The following IL34 variants were observed in gnomAD, a reference collection of about 807,000 sequenced individuals.
IL34 encodes interleukin 34.
In IL34, 17 loss-of-function variants were observed where a neutral mutation model predicts 25.3. The ratio of observed to expected loss-of-function variants is 0.67; its 90% confidence interval spans 0.46 to 1.01. The LOEUF (loss-of-function observed/expected upper bound fraction) is 1.01. Ranked by LOEUF, IL34 falls within the 50% of genes least tolerant of loss-of-function variation. IL34 has a pLI of 0.00. For missense variants in IL34, 368 were observed against 312.9 expected (o/e 1.18, Z -1.33); for synonymous variants, 174 against 140.9 (o/e 1.23, Z -1.66).
At chr16:70,584,421 T>C (rs374856599) in intron 1 of IL34, among the ~76,000 whole-genome samples, 2 of 152,178 alleles carry the variant, frequency 1.3e-5, no homozygotes, top group East Asian at 3.9e-4. Flanking sequence ...GACTTGCCTA[T>C]AGCTAGAAAG....
chr16:70,642,206 C>G (rs2051800227), upstream of IL34, among the ~76,000 whole-genome samples: 1 of 151,654 alleles, frequency 6.6e-6, no homozygotes, highest in Admixed American at 6.6e-5. Flanking sequence ...TATGTACTCA[C>G]ATGACCAGTT....
intron 1 of IL34, among the ~76,000 whole-genome samples, chr16:70,603,712 A>AC: frequency 6.6e-6 from 1 of 152,218 alleles, no homozygotes; most frequent in South Asian, 2.1e-4. Flanking sequence ...AACAACTGGG[A>AC]GTACACACAG....
At chr16:70,620,475 G>A (rs930614876) in intron 1 of IL34, among the ~76,000 whole-genome samples, 12 of 152,052 alleles carry the variant, frequency 7.9e-5, no homozygotes, top group Non-Finnish European at 1.5e-4. Flanking sequence ...AGGAGCGGAG[G>A]CTGAGGAAGA....
Position 70,640,549 on chromosome 16 carries a change from G to A in IL34, c.-400-5999G>A, listed in dbSNP as rs147383766. ...TGAGGCAGGAGAATCTCTTGAACCC[G>A]GGAGGTGGAGGTTGTAGTGAGCCGA... On this transcript the variant is annotated intron_variant, in intron 1 of 6. Coordinates refer to the IL34 transcript ENST00000429149. Among the ~76,000 whole-genome samples the A allele has an allele frequency of 6.0e-3, 912 of 151,652 alleles. 9 individuals carry two copies. Among genetic ancestry groups the A allele is most frequent in the Middle Eastern group, 0.017 (5 of 292 alleles).
intron 1 of IL34, among the ~76,000 whole-genome samples, chr16:70,607,257 A>G (rs2051020404): frequency 6.6e-6 from 1 of 152,044 alleles, no homozygotes; most frequent in Non-Finnish European, 1.5e-5. Flanking sequence ...GCCCACCACC[A>G]CACCCAGCTA....
At chr16:70,584,321 C>T (rs933172014) in intron 1 of IL34, among the ~76,000 whole-genome samples, 4 of 152,202 alleles carry the variant, frequency 2.6e-5, no homozygotes, top group African/African-American at 9.6e-5. Flanking sequence ...GCTGCCTGGA[C>T]AGCTCCGTCT....
chr16:70,644,783 GGAAAAGGAGGAGGGAGGAGGAAT>G (rs1231329117), upstream of IL34, among the ~76,000 whole-genome samples: 192 of 141,438 alleles, frequency 1.4e-3, no homozygotes, highest in African/African-American at 4.3e-3. Context: ...GGAGGAGGGA[GGAAAAGGAGGAGGGAGGAGGAAT>G]GAAAAGGAGG....
At chr16:70,599,005 T>C (rs979849959) in intron 1 of IL34, among the ~76,000 whole-genome samples, 13 of 152,316 alleles carry the variant, frequency 8.5e-5, no homozygotes, top group Middle Eastern at 3.4e-3. Flanking sequence ...AGAGGCATTA[T>C]CACTAACCTT....
At chr16:70,659,235 T>C (rs1026369862) in intron 4 of IL34, among the ~76,000 whole-genome samples, 4 of 152,222 alleles carry the variant, frequency 2.6e-5, no homozygotes, top group Admixed American at 2.6e-4. Flanking sequence ...GGACCTTCTC[T>C]TGTTCCTTGG....
intron 1 of IL34, among the ~76,000 whole-genome samples, chr16:70,621,904 G>GC (rs2051291372): frequency 6.6e-6 from 1 of 151,964 alleles, no homozygotes; most frequent in African/African-American, 2.4e-5. Flanking sequence ...GCAAGGACCG[G>GC]CCATTTACAC....
At position 70,608,711 on chromosome 16, in the gene IL34, C is replaced by T. The variant is rs185485063; in HGVS notation, c.-401+28662C>T. ...CAAGGCCGTGCAGGCGACTGCTTCCCACAGCAGGTTCAGGTGGGGCAGGCT... is the reference window on the plus strand; with the variant it reads ...CAAGGCCGTGCAGGCGACTGCTTCCTACAGCAGGTTCAGGTGGGGCAGGCT... On this transcript the variant is annotated intron_variant, in intron 1 of 6. Coordinates refer to the IL34 transcript ENST00000429149. Among the ~76,000 whole-genome samples, 9 of 152,368 alleles carry T rather than the reference C, an allele frequency of 5.9e-5. No individual in the cohort carries two copies. In the East Asian group the frequency reaches 1.7e-3, roughly 29 times the overall value.
At position 70,634,439 on chromosome 16, in the gene IL34, C is replaced by G. The variant is rs372426954; in HGVS notation, c.-400-12109C>G. 7.2e-3 allele frequency among the ~76,000 whole-genome samples: 1,095 copies of G among 151,972 alleles called. 8 individuals carry two copies. The highest frequency in any genetic ancestry group is 0.01 in the Middle Eastern group (3 of 294). On this transcript the variant is annotated intron_variant, in intron 1 of 6. Coordinates refer to the IL34 transcript ENST00000429149. ...TCATGCCTGTAATCCCAGCACTTTGCGAGGCCAAGGCAGGCTGATCACCTG... is the reference window on the plus strand; with the variant it reads ...TCATGCCTGTAATCCCAGCACTTTGGGAGGCCAAGGCAGGCTGATCACCTG...
intron 1 of IL34, among the ~76,000 whole-genome samples, chr16:70,633,326 T>C (rs2051561983): frequency 6.6e-6 from 1 of 151,632 alleles, no homozygotes; most frequent in Admixed American, 6.6e-5. Context: ...GGATCATGGC[T>C]CACTGCAGCT....
intron 1 of IL34, among the ~76,000 whole-genome samples, chr16:70,630,654 A>G (rs12708905): frequency 0.57 from 85,477 of 150,060 alleles, 27,513 homozygotes; most frequent in African/African-American, 0.9. Context: ...GCTCACTGCA[A>G]CCTCAGTCTC....
chr16:70,660,301 T>A lies in IL34; in HGVS notation c.*114T>A. The A allele has an allele frequency of 1.0e-6, 1 of 961,676 alleles. No individual in the cohort carries two copies. The highest frequency in any genetic ancestry group is 1.5e-6 in the Non-Finnish European group (1 of 676,436). The allele number at this position is 961,676 out of a possible 1,614,324, so 59.6% of individuals were successfully genotyped here. A position where few individuals can be genotyped will look rare whatever the true frequency, so the allele number is the denominator to read the frequency against. ...GGAGCCCCCCTTGGGAGAGGACCCC[T>A]GGGAAGGGTGTTTTTCCTTTGAGGG... On this transcript the variant is annotated 3_prime_UTR_variant, in exon 6 of 6. Coordinates refer to ENST00000288098, the MANE Select transcript of IL34 (RefSeq NM_001393494.1).
chr16:70,593,627 C>T (rs552710890), intron 1 of IL34, among the ~76,000 whole-genome samples: 2 of 152,088 alleles, frequency 1.3e-5, no homozygotes, highest in Non-Finnish European at 2.9e-5. Flanking sequence ...AGTGATCCTC[C>T]CACCTCAGCC....
At position 70,657,137 on chromosome 16, in the gene IL34, G is replaced by T. The variant is rs763961200; in HGVS notation, c.402+16G>T. 12 of 1,610,958 alleles carry T rather than the reference G, an allele frequency of 7.4e-6. No homozygotes were observed. In the Admixed American group the frequency reaches 1.5e-4, roughly 20 times the overall value. Reference sequence around the variant, plus strand: ...GGGCCTCACGGTGAGTTGTGTGGAGGAGTGGCAGGTGGGGTGTGTGTGTGT... The same window carrying T: ...GGGCCTCACGGTGAGTTGTGTGGAGTAGTGGCAGGTGGGGTGTGTGTGTGT... On this transcript the variant is annotated intron_variant, in intron 4 of 5. Coordinates refer to ENST00000288098, the MANE Select transcript of IL34 (RefSeq NM_001393494.1).
intron 1 of IL34, among the ~76,000 whole-genome samples, chr16:70,636,898 G>C (rs546411771): frequency 1.4e-5 from 2 of 145,070 alleles, no homozygotes; most frequent in East Asian, 4.1e-4. Context: ...TTTTTTTTTT[G>C]AGACGGGGTT....
chr16:70,594,816 G>A (rs1014298062), intron 1 of IL34, among the ~76,000 whole-genome samples: 2 of 152,166 alleles, frequency 1.3e-5, no homozygotes, highest in Non-Finnish European at 2.9e-5. Context: ...AGTGGGTACA[G>A]ATGAGGAGGA....
Sources: allele counts gnomAD v4.1 joint callset (sites outside exome capture counted in the v4.1 genomes callset), GRCh38; gene constraint gnomAD v4.1.1; transcripts MANE v1.5; gene names NCBI Gene and HGNC (gene_info 2026-07-23, HGNC 2026-07-21).